Variants in SRCIN1 observed in about 807,000 individuals in gnomAD.
The protein encoded by SRCIN1 is P130Cas-associated protein.
Under a neutral mutation model 116.2 loss-of-function variants are expected in SRCIN1, and 50 were observed. The observed-to-expected ratio is 0.43, with a 90% CI of 0.34 to 0.54. The LOEUF (loss-of-function observed/expected upper bound fraction) is 0.54. Ranked by LOEUF, SRCIN1 falls within the 20% of genes least tolerant of loss-of-function variation. The pLI is 0.02. For missense variants in SRCIN1, 1,446 were observed against 1,672.0 expected, an observed-to-expected ratio of 0.86 and a Z score of 2.36; for synonymous variants, 736 against 750.0, an observed-to-expected ratio of 0.98 and a Z score of 0.30.
intron 11 of SRCIN1, among the ~76,000 whole-genome samples, chr17:38,557,665 C>A (rs1464118221): frequency 6.6e-6 from 1 of 152,266 alleles, no homozygotes; most frequent in African/African-American, 2.4e-5. Flanking sequence ...CCTAAGCATG[C>A]GGAGGCACAG....
intron 1 of SRCIN1, among the ~76,000 whole-genome samples, chr17:38,580,289 CACACACAT>C (rs1016447265): frequency 2.6e-5 from 4 of 152,194 alleles, no homozygotes; most frequent in Admixed American, 6.5e-5. Flanking sequence ...CACACACACA[CACACACAT>C]ACACACATAC....
chr17:38,598,582 C>T (rs375843140), intron 1 of SRCIN1, among the ~76,000 whole-genome samples: 17 of 152,256 alleles, frequency 1.1e-4, no homozygotes, highest in African/African-American at 4.1e-4. Flanking sequence ...GCTTTGCCAG[C>T]TGGAATGGAA....
At chr17:38,588,694 CA>C (rs1290885098) in intron 1 of SRCIN1, among the ~76,000 whole-genome samples, 2 of 152,328 alleles carry the variant, frequency 1.3e-5, no homozygotes, top group East Asian at 3.9e-4. Context: ...AAAGCGTGCC[CA>C]GGGGGAAGCA....
At chr17:38,539,317 T>G (rs1375128699) in intron 18 of SRCIN1, among the ~76,000 whole-genome samples, 1 of 152,170 alleles carries the variant, frequency 6.6e-6, no homozygotes, top group Non-Finnish European at 1.5e-5. Flanking sequence ...CTCGAACTCC[T>G]GGCCTCGAGT....
intron 1 of SRCIN1, among the ~76,000 whole-genome samples, chr17:38,599,842 C>G (rs1291647428): frequency 6.6e-6 from 1 of 152,160 alleles, no homozygotes; most frequent in Non-Finnish European, 1.5e-5. Context: ...ATGGGGGAAA[C>G]AGCTCTTCTA....
At chr17:38,533,474 G>A (rs371903412) in intron 18 of SRCIN1, 43 bp from the exon 19 acceptor site, 2 of 1,560,702 alleles carry the variant, frequency 1.3e-6, no homozygotes, top group Non-Finnish European at 1.7e-6. Flanking sequence ...GCGGAAGGGA[G>A]CGCCTCCATG....
chr17:38,537,093 G>A (rs1412054762), intron 18 of SRCIN1, among the ~76,000 whole-genome samples: 1 of 152,076 alleles, frequency 6.6e-6, no homozygotes, highest in African/African-American at 2.4e-5. Context: ...CAGGAAGATC[G>A]CTTGAATCAG....
rs1403308153 is a variant in SRCIN1, at chr17:38,532,806, G to A, written c.*491C>T. The A allele has an allele frequency of 1.3e-5, 2 of 152,930 alleles. No individual in the cohort carries two copies. Among genetic ancestry groups the A allele is most frequent in the Non-Finnish European group, 2.9e-5 (2 of 68,620 alleles). The allele number at this position is 152,930 out of a possible 1,614,324, so 9.5% of individuals were successfully genotyped here. A position where few individuals can be genotyped will look rare whatever the true frequency, so the allele number is the denominator to read the frequency against. ...CGCTCTCTGGCTTGATGTATGGGTTGGTCCGATGTCCCCGCGTTCCTCCAG... is the reference window on the plus strand; with the variant it reads ...CGCTCTCTGGCTTGATGTATGGGTTAGTCCGATGTCCCCGCGTTCCTCCAG... On this transcript the variant is annotated 3_prime_UTR_variant, in exon 19 of 19. Transcript: ENST00000617146. The surrounding 1 kb of genome is among the most constrained non-coding windows in gnomAD (Gnocchi z 4.3).
rs1464774961 is a variant in SRCIN1, at chr17:38,530,762, CAT to C, written c.*2533_*2534del. 2.6e-5 allele frequency: 4 copies of C among 152,348 alleles called. No homozygotes were observed. The highest frequency in any genetic ancestry group is 9.6e-5 in the African/African-American group (4 of 41,472). The allele number at this position is 152,348 out of a possible 1,614,324, so 9.4% of individuals were successfully genotyped here. ...TCGGCATGTCTGCACACACATTACACATGTTCTCACACACAAAGCTCCTCTCA... is the reference window on the plus strand; with the variant it reads ...TCGGCATGTCTGCACACACATTACACGTTCTCACACACAAAGCTCCTCTCA... On this transcript the variant is annotated 3_prime_UTR_variant, in exon 19 of 19. Coordinates refer to ENST00000617146, the MANE Select transcript of SRCIN1 (RefSeq NM_025248.3).
intron 18 of SRCIN1, among the ~76,000 whole-genome samples, chr17:38,534,155 C>T (rs1228882065): frequency 6.6e-6 from 1 of 152,210 alleles, no homozygotes. Flanking sequence ...GAACTGACCC[C>T]TCATCCTCCT....
chr17:38,538,674 C>A (rs927366404), intron 18 of SRCIN1, among the ~76,000 whole-genome samples: 9 of 152,068 alleles, frequency 5.9e-5, no homozygotes, highest in Non-Finnish European at 1.2e-4. Context: ...TTGATCTATT[C>A]GACCTTCATT....
chr17:38,547,773 C>T (rs1905152778), intron 17 of SRCIN1: 1 of 290,416 alleles, frequency 3.4e-6, no homozygotes, highest in South Asian at 2.5e-5. Context: ...CGTGTAGGGC[C>T]TGGGGCTGAG....
intron 18 of SRCIN1, among the ~76,000 whole-genome samples, 186 bp downstream of exon 18, chr17:38,543,637 C>CG (rs1904886232): frequency 1.3e-5 from 2 of 149,358 alleles, no homozygotes; most frequent in South Asian, 4.2e-4. Flanking sequence ...TCCAAAGCTC[C>CG]GGGATCGGGA....
chr17:38,557,435 C>G (rs1364114735), intron 11 of SRCIN1, among the ~76,000 whole-genome samples: 1 of 152,250 alleles, frequency 6.6e-6, no homozygotes, highest in Admixed American at 6.5e-5. Flanking sequence ...CTCCAGGTCC[C>G]CTAGTGCCCT....
Position 38,561,530 on chromosome 17 carries a change from G to A in SRCIN1, c.1633C>T (p.Pro545Ser), listed in dbSNP as rs768141216. Residue 545 changes from proline (P) to serine (S), a missense_variant, in exon 7 of 19, where the codon CCT (proline) becomes TCT (serine). Pro to Ser is a moderately conservative substitution (Grantham distance 74). This residue lies in a region of SRCIN1 where 398 missense variants were observed against 385.6 expected (regional missense o/e 1.03). Coordinates refer to ENST00000617146, the MANE Select transcript of SRCIN1 (RefSeq NM_025248.3). Reference protein sequence around the residue: ...TAGAPPSELFPGPGERSLVGF... With the variant: ...TAGAPPSELFSGPGERSLVGF... ...ACCAGCGAGCGTTCCCCAGGCCCAG[G>A]GAAGAGCTCCGAAGGGGGAGCTCCG... 8 of 1,599,570 alleles carry A rather than the reference G, an allele frequency of 5.0e-6. No homozygotes were observed. Among genetic ancestry groups the A allele is most frequent in the East Asian group, 2.3e-5 (1 of 43,678 alleles).
chr17:38,568,459 C>G lies in SRCIN1; in HGVS notation c.325-228G>C, dbSNP rs1426102584. On this transcript the variant is annotated intron_variant, in intron 2 of 18. Coordinates refer to ENST00000617146, the MANE Select transcript of SRCIN1 (RefSeq NM_025248.3). The surrounding 1 kb of genome is among the most constrained non-coding windows in gnomAD (Gnocchi z 4.5). The stretch of plus-strand genomic sequence containing the variant: ...CCCTGAGCAGGCGCTACAGCGACTC[C>G]TCGCAGAGTTACTGGTGGGAAAAGG... Among the ~76,000 whole-genome samples the G allele has an allele frequency of 1.3e-5, 2 of 152,220 alleles. No homozygotes were observed. The highest frequency in any genetic ancestry group is 2.9e-5 in the Non-Finnish European group (2 of 68,046).
At chr17:38,582,151 G>T (rs1270362211) in intron 1 of SRCIN1, among the ~76,000 whole-genome samples, 1 of 152,172 alleles carries the variant, frequency 6.6e-6, no homozygotes, top group Admixed American at 6.5e-5. Flanking sequence ...ATTGGGACAG[G>T]TCTCCAATTA....
At chr17:38,553,038 T>G (rs1487885761) in intron 11 of SRCIN1, among the ~76,000 whole-genome samples, 183 bp from the exon 12 acceptor site, 4 of 152,192 alleles carry the variant, frequency 2.6e-5, no homozygotes, top group African/African-American at 7.2e-5. Context: ...GCGGATCACT[T>G]GAGCCCAGGA....
chr17:38,551,588 A>G (rs187739406), intron 14 of SRCIN1, 199 bp from the exon 15 acceptor site: 9 of 641,956 alleles, frequency 1.4e-5, no homozygotes. Flanking sequence ...CCCTCATTAT[A>G]TACTACATTC....
Sources: allele counts gnomAD v4.1 joint callset (sites outside exome capture counted in the v4.1 genomes callset), GRCh38; gene constraint gnomAD v4.1.1; regional missense constraint gnomAD v4.1.1; non-coding constraint Gnocchi (gnomAD v3.1); transcripts MANE v1.5; gene names NCBI Gene and HGNC (gene_info 2026-07-23, HGNC 2026-07-21).